PIK3CD: variants seen among roughly 807,000 people sequenced by gnomAD.
PIK3CD encodes the protein phosphatidylinositol 4,5-bisphosphate 3-kinase catalytic subunit delta isoform.
In PIK3CD, 20 loss-of-function variants were observed where a neutral mutation model predicts 122.9. The observed-to-expected ratio is 0.16, with a 90% CI of 0.11 to 0.24. PIK3CD has a LOEUF of 0.24. Among genes scored for constraint, PIK3CD ranks in the 10% least tolerant of loss-of-function variants. The probability of loss-of-function intolerance (pLI) is 1.00; values close to 1 mark genes in which losing one functional copy is unlikely to be tolerated. For missense variants in PIK3CD, 787 were observed against 1,406.3 expected (o/e 0.56, Z 7.04); for synonymous variants, 596 against 593.4 (o/e 1.00, Z -0.06).
chr1:9,706,615 T>C (rs917960015), intron 2 of PIK3CD, among the ~76,000 whole-genome samples: 7 of 152,172 alleles, frequency 4.6e-5, no homozygotes, highest in African/African-American at 1.7e-4. Flanking sequence ...CAGTACACAC[T>C]AAATGTAAAA....
intron 1 of PIK3CD, among the ~76,000 whole-genome samples, chr1:9,683,720 A>G (rs1645859898): frequency 6.6e-6 from 1 of 152,164 alleles, no homozygotes; most frequent in African/African-American, 2.4e-5. Context: ...GTATAAAGCA[A>G]CACTGTGATG....
chr1:9,646,811 C>T (rs989583307), upstream of PIK3CD, among the ~76,000 whole-genome samples: 1 of 151,842 alleles, frequency 6.6e-6, no homozygotes, highest in Non-Finnish European at 1.5e-5. Context: ...AAATTAGGGC[C>T]GGGCTTGGTG....
chr1:9,663,304 A>G (rs1234173179), intron 1 of PIK3CD, among the ~76,000 whole-genome samples: 1 of 152,154 alleles, frequency 6.6e-6, no homozygotes, highest in East Asian at 1.9e-4. Context: ...AGCCCTGTGC[A>G]GTGTCTGTCT....
intron 1 of PIK3CD, chr1:9,654,216 AG>A: frequency 1.5e-6 from 2 of 1,367,496 alleles, no homozygotes; most frequent in Non-Finnish European, 2.0e-6. Context: ...TTCTGGAATT[AG>A]GGCACGTGCC....
rs143234703 is a variant in PIK3CD at position 9,710,166 on chromosome 1, C to T, written c.-32-258C>T. On this transcript the variant is annotated intron_variant, in intron 2 of 23. Transcript: ENST00000377346. The surrounding 1 kb of genome is among the most constrained non-coding windows in gnomAD (Gnocchi z 4.7). Reference sequence around the variant, plus strand: ...TCCTGAGGAAAGATGATTTGCTGTGCGTGCTCCTGTGGGGAGGACATGCAG... The same window carrying T: ...TCCTGAGGAAAGATGATTTGCTGTGTGTGCTCCTGTGGGGAGGACATGCAG... 2.1e-4 allele frequency: 97 copies of T among 462,774 alleles called. No homozygotes were observed. The East Asian group carries it at 3.4e-3, about 16-fold the overall frequency. 28.7% of individuals were successfully genotyped at this position (462,774 alleles called of 1,614,324 possible).
At chr1:9,690,116 T>C (rs1013009415) in intron 1 of PIK3CD, among the ~76,000 whole-genome samples, 1 of 151,968 alleles carries the variant, frequency 6.6e-6, no homozygotes, top group African/African-American at 2.4e-5. Context: ...GTGCGCGTCC[T>C]CCCCTCCCCC....
At chr1:9,656,670 T>G (rs989427498) in intron 1 of PIK3CD, among the ~76,000 whole-genome samples, 5 of 152,006 alleles carry the variant, frequency 3.3e-5, no homozygotes, top group Admixed American at 3.3e-4. Flanking sequence ...GGGCCGGGTG[T>G]GATAGCTCAC....
intron 2 of PIK3CD, among the ~76,000 whole-genome samples, chr1:9,706,050 A>ATTTTTTTTTTT (rs140912843): frequency 2.3e-5 from 2 of 85,194 alleles, no homozygotes; most frequent in Non-Finnish European, 4.4e-5. Flanking sequence ...ATTTATTGGA[A>ATTTTTTTTTTT]TTTTTTTTTT....
intron 1 of PIK3CD, among the ~76,000 whole-genome samples, chr1:9,688,608 T>C (rs150856305): frequency 6.6e-6 from 1 of 152,214 alleles, no homozygotes; most frequent in Non-Finnish European, 1.5e-5. Context: ...TAGGATGGCT[T>C]GAGCCCAGGA....
chr1:9,716,714 G>A, intron 6 of PIK3CD, 95 bp downstream of exon 6: 1 of 1,358,256 alleles, frequency 7.4e-7, no homozygotes, highest in Non-Finnish European at 1.0e-6. Flanking sequence ...CGCACCTTGA[G>A]CCTGCCGAGC....
intron 1 of PIK3CD, chr1:9,662,403 T>A: frequency 5.9e-6 from 1 of 168,712 alleles, no homozygotes; most frequent in East Asian, 1.4e-4. Context: ...CTTTTCCCCC[T>A]GCACTCGTTC....
Position 9,728,951 on chromosome 1 carries a change from C to T in PIK3CD, c.*1905C>T, listed in dbSNP as rs1481602153. 1 of 152,120 alleles carries T rather than the reference C, an allele frequency of 6.6e-6. No individual in the cohort carries two copies. Among genetic ancestry groups the T allele is most frequent in the Non-Finnish European group, 1.5e-5 (1 of 68,032 alleles). The allele number at this position is 152,120 out of a possible 1,614,324, so 9.4% of individuals were successfully genotyped here. On this transcript the variant is annotated 3_prime_UTR_variant, in exon 24 of 24. Coordinates refer to ENST00000377346, the MANE Select transcript of PIK3CD (RefSeq NM_005026.5). ...GCCTTTTTATGTTCTTTTATGTTCT[C>T]GGCTCAAAAAGAAACAAGGGAGTGT...
In PIK3CD at chr1:9,726,926, G is replaced by C. The variant is rs776778083; in HGVS notation, c.3015G>C (p.Gly1005=). 7 of 1,613,864 alleles carry C rather than the reference G, an allele frequency of 4.3e-6. No homozygotes were observed. Among genetic ancestry groups the C allele is most frequent in the African/African-American group, 2.7e-5 (2 of 75,052 alleles). ...GTTTGCAGGACTCCCTGGCACTGGGGAAAACAGAGGAGGAGGCACTGAAGC... is the reference window on the plus strand; with the variant it reads ...GTTTGCAGGACTCCCTGGCACTGGGCAAAACAGAGGAGGAGGCACTGAAGC... The part of the protein sequence containing the change: ...IQYLKDSLAL[G]KTEEEALKHF... The change falls in exon 24 of 24, where the codon GGG becomes GGC. Residue 1005 remains glycine (G), a synonymous_variant. Transcript: ENST00000377346.
the PIK3CD span, among the ~76,000 whole-genome samples, chr1:9,634,414 G>A: frequency 0.12 from 18,182 of 151,854 alleles, 1,918 homozygotes; most frequent in African/African-American, 0.29. Context: ...CACCAGCCTC[G>A]CCCTCCCAAA....
Position 9,718,065 on chromosome 1 carries a change from T to G in PIK3CD, c.1020+439T>G. 2.1e-6 allele frequency: 1 copy of G among 473,252 alleles called. No individual in the cohort carries two copies. The highest frequency in any genetic ancestry group is 1.5e-5 in the South Asian group (1 of 64,676). 29.3% of individuals were successfully genotyped at this position (473,252 alleles called of 1,614,324 possible). ...CTAGGGGCTGAGCCCACCTCCCTGT[T>G]GTCTCTTAACACTTTCACACGCTCC... On this transcript the variant is annotated intron_variant, in intron 8 of 23. Transcript: ENST00000377346. This position sits in a 1 kb window ranked among gnomAD's most constrained non-coding sequence, Gnocchi z 7.2.
At position 9,717,400 on chromosome 1, in the gene PIK3CD, A is replaced by T. The variant is rs988305562; in HGVS notation, c.931-137A>T. On this transcript the variant is annotated intron_variant, in intron 7 of 23. Coordinates refer to ENST00000377346, the MANE Select transcript of PIK3CD (RefSeq NM_005026.5). The surrounding 1 kb of genome is among the most constrained non-coding windows in gnomAD (Gnocchi z 5.4). ...GGCAGGTTTTCTGGGAAAGGATAGC[A>T]TTGTGGACAGGCCCAAACCTGGCCG... The T allele has an allele frequency of 1.3e-5, 12 of 907,146 alleles. No homozygotes were observed. In the Admixed American group the frequency reaches 2.3e-4, roughly 18 times the overall value. 56.2% of individuals were successfully genotyped at this position (907,146 alleles called of 1,614,324 possible). A position where few individuals can be genotyped will look rare whatever the true frequency, so the allele number is the denominator to read the frequency against.
At chr1:9,688,569 T>A (rs2100397745) in intron 1 of PIK3CD, among the ~76,000 whole-genome samples, 1 of 150,570 alleles carries the variant, frequency 6.6e-6, no homozygotes, top group Non-Finnish European at 1.5e-5. Flanking sequence ...CTGGAGCGCC[T>A]GGCCGAGCAC....
At chr1:9,692,554 C>T (rs866611047) in intron 2 of PIK3CD, among the ~76,000 whole-genome samples, 6 of 151,256 alleles carry the variant, frequency 4.0e-5, no homozygotes, top group Admixed American at 1.3e-4. Context: ...CATGGTGAAA[C>T]CCTGTCTCTA....
intron 2 of PIK3CD, among the ~76,000 whole-genome samples, chr1:9,701,767 A>G (rs1034924478): frequency 1.3e-5 from 2 of 152,076 alleles, no homozygotes; most frequent in Non-Finnish European, 2.9e-5. Context: ...CATTTAGATC[A>G]GGAAATTCAT....
Sources: allele counts gnomAD v4.1 joint callset (sites outside exome capture counted in the v4.1 genomes callset), GRCh38; gene constraint gnomAD v4.1.1; non-coding constraint Gnocchi (gnomAD v3.1); transcripts MANE v1.5; gene names NCBI Gene and HGNC (gene_info 2026-07-23, HGNC 2026-07-21).